The following RIMS4 variants were observed in gnomAD, a reference collection of about 807,000 sequenced individuals.
RIMS4 encodes the protein regulating synaptic membrane exocytosis 4, also known as regulating synaptic membrane exocytosis protein 4.
Under a neutral mutation model 29.0 loss-of-function variants are expected in RIMS4, and 9 were observed. The observed-to-expected ratio is 0.31, with a 90% CI of 0.19 to 0.54. RIMS4 has a LOEUF of 0.54. Among genes scored for constraint, RIMS4 ranks in the 20% least tolerant of loss-of-function variants. The probability of loss-of-function intolerance (pLI) is 0.94; values close to 1 mark genes in which losing one functional copy is unlikely to be tolerated. For missense variants in RIMS4, 193 were observed against 365.7 expected (o/e 0.53, Z 3.85); for synonymous variants, 130 against 152.9 (o/e 0.85, Z 1.10).
intron 1 of RIMS4, among the ~76,000 whole-genome samples, chr20:44,779,120 A>G (rs918488897): frequency 7.2e-4 from 110 of 152,220 alleles, no homozygotes; most frequent in African/African-American, 2.5e-3. Context: ...TTCTATTCAC[A>G]ATGAATTATT....
intron 2 of RIMS4, among the ~76,000 whole-genome samples, chr20:44,762,723 G>A (rs567608107): frequency 2.0e-5 from 3 of 152,300 alleles, no homozygotes; most frequent in South Asian, 2.1e-4. Context: ...AGGTTATCAC[G>A]TCCTCCTGGG....
chr20:44,810,075 G>A, intron 1 of RIMS4, 100 bp downstream of exon 1: 2 of 559,486 alleles, frequency 3.6e-6, no homozygotes, highest in South Asian at 3.6e-5. Flanking sequence ...CCTTCCCAGG[G>A]GATTGGGGGT....
intron 2 of RIMS4, among the ~76,000 whole-genome samples, chr20:44,764,668 G>A (rs959426273): frequency 3.3e-5 from 5 of 152,160 alleles, no homozygotes; most frequent in African/African-American, 9.7e-5. Context: ...TGTCTGAGGC[G>A]CATGTGTTTT....
intron 1 of RIMS4, among the ~76,000 whole-genome samples, chr20:44,796,383 A>G (rs1261163155): frequency 6.6e-6 from 1 of 152,192 alleles, no homozygotes; most frequent in Non-Finnish European, 1.5e-5. Flanking sequence ...CTTGGCCATG[A>G]GCAACTACTG....
intron 2 of RIMS4, among the ~76,000 whole-genome samples, chr20:44,761,786 G>C (rs566920022): frequency 6.6e-6 from 1 of 152,212 alleles, no homozygotes; most frequent in Non-Finnish European, 1.5e-5. Context: ...AGTGGTATCT[G>C]AACCCAGAGA....
At chr20:44,763,583 C>A (rs1015696255) in intron 2 of RIMS4, among the ~76,000 whole-genome samples, 3 of 152,250 alleles carry the variant, frequency 2.0e-5, no homozygotes, top group Non-Finnish European at 2.9e-5. Context: ...TGGACAGGCG[C>A]AAAGCCCTGT....
intron 1 of RIMS4, among the ~76,000 whole-genome samples, chr20:44,779,660 G>C (rs568157992): frequency 2.6e-5 from 4 of 152,118 alleles, no homozygotes; most frequent in Non-Finnish European, 5.9e-5. Flanking sequence ...TGAGCATCTG[G>C]GTGGGTAGCC....
intron 1 of RIMS4, among the ~76,000 whole-genome samples, chr20:44,785,823 T>C (rs1465834419): frequency 2.6e-5 from 4 of 151,772 alleles, no homozygotes; most frequent in Admixed American, 6.6e-5. Context: ...TCTTAGACTG[T>C]GCCTGGACTT....
intron 1 of RIMS4, among the ~76,000 whole-genome samples, chr20:44,775,327 GCTA>G (rs1214884012): frequency 6.6e-6 from 1 of 152,156 alleles, no homozygotes; most frequent in Non-Finnish European, 1.5e-5. Context: ...ACTGTAGCAT[GCTA>G]TGTGCTGTGG....
chr20:44,785,750 CTTTTT>C (rs969567189), intron 1 of RIMS4, among the ~76,000 whole-genome samples: 3 of 122,948 alleles, frequency 2.4e-5, no homozygotes, highest in African/African-American at 3.0e-5. Context: ...CATAGGTTTT[CTTTTT>C]TTTTTTTTTT....
At chr20:44,804,498 C>A (rs530211733) in intron 1 of RIMS4, among the ~76,000 whole-genome samples, 5 of 152,220 alleles carry the variant, frequency 3.3e-5, no homozygotes, top group African/African-American at 1.2e-4. Flanking sequence ...ACCTTTCCAG[C>A]AATTTTTAAA....
intron 1 of RIMS4, among the ~76,000 whole-genome samples, chr20:44,776,606 TA>T (rs2066161171): frequency 6.6e-6 from 1 of 152,154 alleles, no homozygotes; most frequent in South Asian, 2.1e-4. Flanking sequence ...ATAATAGGGA[TA>T]AAAGCACCAG....
In RIMS4 at chr20:44,753,296, A is replaced by G. The variant is rs971745831; in HGVS notation, c.*2838T>C. The G allele has an allele frequency of 5.9e-5, 9 of 152,550 alleles. No individual in the cohort carries two copies. Among genetic ancestry groups the G allele is most frequent in the African/African-American group, 2.2e-4 (9 of 41,438 alleles). 9.4% of individuals were successfully genotyped at this position (152,550 alleles called of 1,614,324 possible). ...CTGCCCTGGCTCCGGCTCAGCCTCT[A>G]TTGGGAGGAGGGGACCCAGGCTGGG... is the stretch of plus-strand genomic sequence containing the variant. On this transcript the variant is annotated 3_prime_UTR_variant, in exon 6 of 6. Coordinates refer to ENST00000372851, the MANE Select transcript of RIMS4 (RefSeq NM_182970.4).
chr20:44,793,111 C>T (rs1188222129), intron 1 of RIMS4, among the ~76,000 whole-genome samples: 2 of 152,142 alleles, frequency 1.3e-5, no homozygotes, highest in Non-Finnish European at 2.9e-5. Flanking sequence ...CATATAAGCG[C>T]TGTGTCTGGA....
chr20:44,773,624 C>T (rs1035557802), intron 1 of RIMS4, among the ~76,000 whole-genome samples: 1 of 152,144 alleles, frequency 6.6e-6, no homozygotes, highest in Non-Finnish European at 1.5e-5. Flanking sequence ...TCCATCTCCA[C>T]CTACCTGGGT....
At chr20:44,807,791 T>C (rs1020215936) in intron 1 of RIMS4, among the ~76,000 whole-genome samples, 3 of 152,152 alleles carry the variant, frequency 2.0e-5, no homozygotes, top group African/African-American at 2.4e-5. Context: ...CAGACATTCA[T>C]TATTTTTCCG....
chr20:44,779,756 G>T (rs1182866483), intron 1 of RIMS4, among the ~76,000 whole-genome samples: 1 of 152,148 alleles, frequency 6.6e-6, no homozygotes, highest in Non-Finnish European at 1.5e-5. Flanking sequence ...GTTCTTCAGG[G>T]CACATACCTA....
chr20:44,758,225 G>A, intron 2 of RIMS4, 41 bp from the exon 3 acceptor site: 1 of 1,440,172 alleles, frequency 6.9e-7, no homozygotes, highest in Non-Finnish European at 9.6e-7. Flanking sequence ...CATTCCCAGT[G>A]GTTTACCAAC....
chr20:44,781,860 G>A (rs2145463059), intron 1 of RIMS4, among the ~76,000 whole-genome samples: 1 of 152,276 alleles, frequency 6.6e-6, no homozygotes, highest in Non-Finnish European at 1.5e-5. Context: ...TATGGCACTG[G>A]GAAGCTACAC....
Sources: allele counts gnomAD v4.1 joint callset (sites outside exome capture counted in the v4.1 genomes callset), GRCh38; gene constraint gnomAD v4.1.1; transcripts MANE v1.5; gene names NCBI Gene and HGNC (gene_info 2026-07-23, HGNC 2026-07-21).